The following PAPSS2 variants were observed in gnomAD, a reference collection of about 807,000 sequenced individuals.
PAPSS2 encodes bifunctional 3'-phosphoadenosine 5'-phosphosulfate synthase 2.
PAPSS2 carries 61 observed loss-of-function variants against 66.5 expected under a neutral mutation model. That is an observed-to-expected ratio of 0.92 (90% confidence interval 0.75 to 1.14). PAPSS2 has a LOEUF of 1.14. Among genes scored for constraint, PAPSS2 ranks in the 50% most tolerant of loss-of-function variants. The probability of loss-of-function intolerance (pLI) is 0.00; values close to 1 mark genes in which losing one functional copy is unlikely to be tolerated. For missense variants in PAPSS2, 708 were observed against 789.6 expected, an observed-to-expected ratio of 0.90 and a Z score of 1.24; for synonymous variants, 289 against 287.5, an observed-to-expected ratio of 1.01 and a Z score of -0.05.
chr10:87,708,396 A>T (rs1853418513), intron 1 of PAPSS2, among the ~76,000 whole-genome samples: 1 of 152,114 alleles, frequency 6.6e-6, no homozygotes, highest in South Asian at 2.1e-4. Context: ...CAGGGACTTC[A>T]CTCTTGCCGT....
intron 8 of PAPSS2, among the ~76,000 whole-genome samples, chr10:87,722,366 T>C (rs543681806): frequency 6.6e-6 from 1 of 152,338 alleles, no homozygotes; most frequent in Admixed American, 6.5e-5. Context: ...GAATATGTCA[T>C]CTATCTTTGG....
chr10:87,699,279 T>C (rs1236373089), intron 1 of PAPSS2, among the ~76,000 whole-genome samples: 1 of 152,196 alleles, frequency 6.6e-6, no homozygotes, highest in Non-Finnish European at 1.5e-5. Context: ...GCTCTCAAGA[T>C]GTCAAGGTTA....
chr10:87,715,809 C>G lies in PAPSS2; in HGVS notation c.831C>G (p.Tyr277Ter). 6.2e-7 allele frequency: 1 copy of G among 1,611,804 alleles called. No individual in the cohort carries two copies. Among genetic ancestry groups the G allele is most frequent in the Non-Finnish European group, 8.5e-7 (1 of 1,178,018 alleles). Residue 277 changes from tyrosine to a stop codon, truncating the protein, a stop_gained, in exon 7 of 13, where the codon TAC (tyrosine) becomes TAG (stop). Coordinates refer to ENST00000456849, the MANE Select transcript of PAPSS2 (RefSeq NM_001015880.2). LOFTEE classifies it high-confidence loss of function. ...PLKGFMREKE[Y>*]LQVMHFDTLL... ...AAGGTTTCATGCGGGAGAAGGAGTA[C>G]TTACAGGTTATGCACTTTGACACCC...
chr10:87,737,291 G>C (rs1385061068), intron 9 of PAPSS2, among the ~76,000 whole-genome samples: 3 of 151,936 alleles, frequency 2.0e-5, no homozygotes, highest in African/African-American at 7.3e-5. Flanking sequence ...CACATTTTCA[G>C]CTGAGACTGG....
At position 87,670,576 on chromosome 10, in the gene PAPSS2, G is replaced by GCACACACACACA. The variant is rs3221014; in HGVS notation, c.27+10582_27+10593dup. 3.5e-4 allele frequency among the ~76,000 whole-genome samples: 53 copies of GCACACACACACA among 149,732 alleles called. No homozygotes were observed. In the East Asian group the frequency reaches 3.6e-3, roughly 10 times the overall value. On this transcript the variant is annotated intron_variant, in intron 1 of 12. Transcript: ENST00000456849. ...GGAGATGATTGCATAAAAAGATGGA[G>GCACACACACACA]CACACACACACACACACACACACAC...
chr10:87,719,852 G>C (rs140076579), intron 7 of PAPSS2, among the ~76,000 whole-genome samples: 1 of 151,912 alleles, frequency 6.6e-6, no homozygotes, highest in African/African-American at 2.4e-5. Flanking sequence ...CCCCATCAGT[G>C]GTTGTGAAAC....
Position 87,697,464 on chromosome 10 carries a change from C to T in PAPSS2, c.28-11732C>T, listed in dbSNP as rs760407298. On this transcript the variant is annotated intron_variant, in intron 1 of 12. Transcript: ENST00000456849. ...GACCTGGAGGGCACCAAGGAGGGTG[C>T]CAAGGAGAGGTGGCTCACCTGTGCT... Among the ~76,000 whole-genome samples the T allele has an allele frequency of 3.3e-5, 5 of 152,242 alleles. No individual in the cohort carries two copies. The South Asian group carries it at 1.0e-3, about 32-fold the overall frequency.
At position 87,681,002 on chromosome 10, in the gene PAPSS2, G is replaced by A. The variant is rs141677591; in HGVS notation, c.27+20994G>A. On this transcript the variant is annotated intron_variant, in intron 1 of 12. Coordinates refer to ENST00000456849, the MANE Select transcript of PAPSS2 (RefSeq NM_001015880.2). ...ATAATTAAATATGTGTTTCTCAACT[G>A]GGGGTGATTTTGCCCTTTGAGGGAC... 4.5e-3 allele frequency among the ~76,000 whole-genome samples: 691 copies of A among 152,260 alleles called. 1 individual carries two copies. The highest frequency in any genetic ancestry group is 0.034 in the Middle Eastern group (10 of 294).
At chr10:87,699,874 T>G (rs1853281203) in intron 1 of PAPSS2, among the ~76,000 whole-genome samples, 1 of 151,760 alleles carries the variant, frequency 6.6e-6, no homozygotes, top group Non-Finnish European at 1.5e-5. Flanking sequence ...GAGAAATTCT[T>G]TATATTTTAA....
intron 1 of PAPSS2, among the ~76,000 whole-genome samples, chr10:87,695,530 G>A (rs1589427422): frequency 1.3e-5 from 2 of 152,194 alleles, no homozygotes; most frequent in African/African-American, 2.4e-5. Flanking sequence ...TGAGGCACCC[G>A]GGTCAGGACC....
At position 87,685,531 on chromosome 10, in the gene PAPSS2, A is replaced by G. The variant is rs1024264177; in HGVS notation, c.28-23665A>G. On this transcript the variant is annotated intron_variant, in intron 1 of 12. Coordinates refer to ENST00000456849, the MANE Select transcript of PAPSS2 (RefSeq NM_001015880.2). ...ACCTCATCCTTACAAAAAAATAAAA[A>G]CATTAGCTGGGCATGATGATGTATA... 1.6e-4 allele frequency among the ~76,000 whole-genome samples: 24 copies of G among 152,134 alleles called. 1 individual carries two copies. Among genetic ancestry groups the G allele is most frequent in the Non-Finnish European group, 1.5e-5 (1 of 68,014 alleles).
intron 1 of PAPSS2, among the ~76,000 whole-genome samples, chr10:87,689,299 C>T (rs1853133796): frequency 6.7e-6 from 1 of 149,564 alleles, no homozygotes; most frequent in Non-Finnish European, 1.5e-5. Flanking sequence ...GAGATCATGC[C>T]ACTGCACCCC....
At chr10:87,732,601 G>C (rs1371554324) in intron 9 of PAPSS2, among the ~76,000 whole-genome samples, 3 of 152,076 alleles carry the variant, frequency 2.0e-5, no homozygotes, top group African/African-American at 7.2e-5. Flanking sequence ...ACAGTATAGT[G>C]TAAACATAAC....
rs371168301 is a variant in PAPSS2 at position 87,666,179 on chromosome 10, G to T, written c.27+6171G>T. ...GGTTTTCACCATGTTGGCCAGACTGGTCTTGAACTCCTGACCTCAAGTGAT... is the reference window on the plus strand; with the variant it reads ...GGTTTTCACCATGTTGGCCAGACTGTTCTTGAACTCCTGACCTCAAGTGAT... On this transcript the variant is annotated intron_variant, in intron 1 of 12. Transcript: ENST00000456849. Among the ~76,000 whole-genome samples the T allele has an allele frequency of 3.3e-5, 5 of 152,214 alleles. No homozygotes were observed. In the South Asian group the frequency reaches 6.2e-4, roughly 19 times the overall value.
At chr10:87,668,528 A>G (rs911632125) in intron 1 of PAPSS2, among the ~76,000 whole-genome samples, 1 of 152,194 alleles carries the variant, frequency 6.6e-6, no homozygotes, top group African/African-American at 2.4e-5. Context: ...CGTTCTGCCC[A>G]GTAAGTCTTG....
At chr10:87,709,147 T>C in intron 1 of PAPSS2, 49 bp from the exon 2 acceptor site, 1 of 1,187,776 alleles carries the variant, frequency 8.4e-7, no homozygotes, top group Non-Finnish European at 1.3e-6. Context: ...CAGTGAAGAA[T>C]ATGTGTTTTA....
chr10:87,685,947 G>A (rs558353450), intron 1 of PAPSS2, among the ~76,000 whole-genome samples: 2 of 152,256 alleles, frequency 1.3e-5, no homozygotes, highest in East Asian at 3.9e-4. Context: ...CCATCTTAGA[G>A]CAGTGCAAAG....
At position 87,741,274 on chromosome 10, in the gene PAPSS2, C is replaced by G. The variant is rs1472638785; in HGVS notation, c.1126C>G (p.Leu376Val). The change falls in exon 10 of 13, where the codon CTT (leucine) becomes GTT (valine). Residue 376 changes from leucine (L) to valine (V), a missense_variant. By Grantham distance (32) the Leu-to-Val change is conservative. Transcript: ENST00000456849. Reference sequence around the variant, plus strand: ...TGGGGACTGGCTGGTTGGTGGAGACCTTCAGGTGCTGGAGAAAATAAGATG... The same window carrying G: ...TGGGGACTGGCTGGTTGGTGGAGACGTTCAGGTGCTGGAGAAAATAAGATG... ...ESGDWLVGGDLQVLEKIRWND... is the reference protein window; with the variant it reads ...ESGDWLVGGDVQVLEKIRWND... The G allele has an allele frequency of 8.1e-6, 13 of 1,613,534 alleles. No individual in the cohort carries two copies. The highest frequency in any genetic ancestry group is 1.0e-5 in the Non-Finnish European group (12 of 1,179,592).
At chr10:87,683,268 T>A (rs924711085) in intron 1 of PAPSS2, among the ~76,000 whole-genome samples, 3 of 152,034 alleles carry the variant, frequency 2.0e-5, no homozygotes, top group Non-Finnish European at 4.4e-5. Flanking sequence ...AATTTTTGTA[T>A]TTTTAGTAGA....
Sources: allele counts gnomAD v4.1 joint callset (sites outside exome capture counted in the v4.1 genomes callset), GRCh38; gene constraint gnomAD v4.1.1; transcripts MANE v1.5; gene names NCBI Gene and HGNC (gene_info 2026-07-23, HGNC 2026-07-21).